Variants in ACOXL observed in about 807,000 individuals in gnomAD.
ACOXL encodes acyl-coenzyme A oxidase-like protein.
Under a neutral mutation model 71.9 loss-of-function variants are expected in ACOXL, and 70 were observed. The ratio of observed to expected loss-of-function variants is 0.97; its 90% CI spans 0.80 to 1.19. The LOEUF is 1.19. Ranked by LOEUF, ACOXL falls within the 50% of genes most tolerant of loss-of-function variation. ACOXL has a pLI of 0.00. For synonymous variants in ACOXL, 253 were observed against 281.6 expected, an observed-to-expected ratio of 0.90 and a Z score of 1.02; for missense variants, 703 against 736.3, an observed-to-expected ratio of 0.95 and a Z score of 0.52.
chr2:111,044,445 A>G (rs149012229), intron 15 of ACOXL, among the ~76,000 whole-genome samples: 4 of 152,312 alleles, frequency 2.6e-5, no homozygotes, highest in South Asian at 2.1e-4. Context: ...GGGCCCTCTA[A>G]AGCTTAGCCG....
intron 9 of ACOXL, among the ~76,000 whole-genome samples, chr2:110,819,335 AG>A (rs1295881331): frequency 1.3e-5 from 2 of 152,228 alleles, no homozygotes; most frequent in African/African-American, 4.8e-5. Context: ...CTCATGGTTC[AG>A]GAGCACCTTG....
intron 10 of ACOXL, among the ~76,000 whole-genome samples, chr2:110,898,243 G>T (rs188841283): frequency 8.6e-5 from 13 of 151,948 alleles, no homozygotes; most frequent in South Asian, 6.2e-4. Context: ...CATTTTTTTT[G>T]AAAGTTAGCC....
At chr2:110,903,897 C>A (rs2059341893) in intron 10 of ACOXL, among the ~76,000 whole-genome samples, 1 of 152,326 alleles carries the variant, frequency 6.6e-6, no homozygotes, top group East Asian at 1.9e-4. Context: ...GCCAGGCCCT[C>A]TGGGGACCCT....
At chr2:110,884,960 GA>G (rs1697103141) in intron 10 of ACOXL, among the ~76,000 whole-genome samples, 1 of 152,094 alleles carries the variant, frequency 6.6e-6, no homozygotes. Flanking sequence ...TCTAGCTGAT[GA>G]AATTTCCAGG....
At chr2:110,842,673 A>G (rs1166145689) in intron 10 of ACOXL, among the ~76,000 whole-genome samples, 1 of 152,176 alleles carries the variant, frequency 6.6e-6, no homozygotes, top group Non-Finnish European at 1.5e-5. Flanking sequence ...CTGTTTGTTC[A>G]GATTCTGTGG....
chr2:110,837,203 G>A (rs1467724955), intron 9 of ACOXL, among the ~76,000 whole-genome samples: 2 of 152,058 alleles, frequency 1.3e-5, no homozygotes, highest in Non-Finnish European at 2.9e-5. Flanking sequence ...GACTGGAGCC[G>A]GTGCTTCCTG....
At chr2:110,907,096 C>T (rs947702792) in intron 10 of ACOXL, among the ~76,000 whole-genome samples, 1 of 152,192 alleles carries the variant, frequency 6.6e-6, no homozygotes, top group Admixed American at 6.5e-5. Flanking sequence ...ATTTATTTCT[C>T]ACAGTTCTGG....
intron 10 of ACOXL, among the ~76,000 whole-genome samples, chr2:110,882,978 C>A (rs1243163581): frequency 6.6e-6 from 1 of 152,196 alleles, no homozygotes; most frequent in Non-Finnish European, 1.5e-5. Flanking sequence ...TCAGCTTTTT[C>A]TGGGTAGACC....
At chr2:111,027,435 C>T (rs1374204851) in intron 14 of ACOXL, among the ~76,000 whole-genome samples, 5 of 151,674 alleles carry the variant, frequency 3.3e-5, no homozygotes, top group African/African-American at 9.7e-5. Context: ...GATTCTTCTG[C>T]CTCAGCCTCC....
Position 110,784,773 on chromosome 2 carries a change from A to G in ACOXL, c.117A>G (p.Ile39Met), listed in dbSNP as rs1297119975. ...TKNFVSRSLV[I>M]GEVLSMADMA... ...ATTTTGTCAGCCGAAGCCTTGTCAT[A>G]GGAGAAGTCCTCTCCATGGCGGACA... is the stretch of plus-strand genomic sequence containing the variant. Residue 39 changes from isoleucine to methionine, a missense_variant, in exon 3 of 18, where the codon ATA becomes ATG. Coordinates refer to ENST00000439055, the MANE Select transcript of ACOXL (RefSeq NM_001142807.4). 6.2e-7 allele frequency: 1 copy of G among 1,610,242 alleles called. No homozygotes were observed. Among genetic ancestry groups the G allele is most frequent in the Non-Finnish European group, 8.5e-7 (1 of 1,178,630 alleles).
chr2:111,094,396 G>C (rs2150027160), intron 17 of ACOXL: 1 of 152,278 alleles, frequency 6.6e-6, no homozygotes, highest in African/African-American at 2.4e-5. Context: ...CCATAGACTG[G>C]GTAATTTATA....
chr2:111,097,012 C>A (rs572683831), intron 17 of ACOXL, among the ~76,000 whole-genome samples: 1 of 152,262 alleles, frequency 6.6e-6, no homozygotes, highest in East Asian at 1.9e-4. Flanking sequence ...TTATTACCTC[C>A]TGTCACCTGC....
rs887557126 is a variant in ACOXL at position 110,833,557 on chromosome 2, C to A, written c.754-7814C>A. On this transcript the variant is annotated intron_variant, in intron 9 of 17. Coordinates refer to ENST00000439055, the MANE Select transcript of ACOXL (RefSeq NM_001142807.4). The stretch of plus-strand genomic sequence containing the variant: ...ATTGTGCTAAGTTTGTGAGCTCTTA[C>A]CATTGTGAGATACTGGATAAAGGGT... Among the ~76,000 whole-genome samples the A allele has an allele frequency of 5.3e-5, 8 of 152,158 alleles. No individual in the cohort carries two copies. The South Asian group carries it at 1.7e-3, about 32-fold the overall frequency.
chr2:111,070,017 G>A (rs373691233), intron 16 of ACOXL, among the ~76,000 whole-genome samples: 1 of 152,044 alleles, frequency 6.6e-6, no homozygotes, highest in South Asian at 2.1e-4. Flanking sequence ...CATGTCCGTC[G>A]GCCTGCCCTC....
chr2:110,779,445 G>T (rs1683062699), intron 2 of ACOXL, among the ~76,000 whole-genome samples: 1 of 152,234 alleles, frequency 6.6e-6, no homozygotes, highest in Non-Finnish European at 1.5e-5. Flanking sequence ...GTTTAAAAAT[G>T]TTGTAGTACC....
chr2:110,853,848 A>G (rs961891335), intron 10 of ACOXL, among the ~76,000 whole-genome samples: 4 of 151,682 alleles, frequency 2.6e-5, no homozygotes, highest in Admixed American at 1.3e-4. Flanking sequence ...ACTATTCCCC[A>G]TCTTCCTCTC....
At chr2:110,961,252 C>T (rs1243650869) in intron 12 of ACOXL, among the ~76,000 whole-genome samples, 1 of 152,206 alleles carries the variant, frequency 6.6e-6, no homozygotes, top group East Asian at 1.9e-4. Context: ...TCCAGTTTCA[C>T]TTGACTTTCA....
At chr2:110,942,964 GA>G (rs201040673) in intron 12 of ACOXL, among the ~76,000 whole-genome samples, 40 of 83,302 alleles carry the variant, frequency 4.8e-4, no homozygotes, top group African/African-American at 1.5e-3. Context: ...AGAAAGAAAA[GA>G]AAAAAAAAGA....
rs1055835186 is a variant in ACOXL, at chr2:110,811,258, G to A, written c.753+5863G>A. Among the ~76,000 whole-genome samples, 6 of 152,330 alleles carry A rather than the reference G, an allele frequency of 3.9e-5. No homozygotes were observed. The East Asian group carries it at 1.2e-3, about 29-fold the overall frequency. On this transcript the variant is annotated intron_variant, in intron 9 of 17. Coordinates refer to ENST00000439055, the MANE Select transcript of ACOXL (RefSeq NM_001142807.4). ...GAGGCATTCACCATTCTCAGAGCCTGTCCTTCCTTCAGCAGCAAAGGGCAG... is the reference window on the plus strand; with the variant it reads ...GAGGCATTCACCATTCTCAGAGCCTATCCTTCCTTCAGCAGCAAAGGGCAG...
Sources: gnomAD v4.1 joint callset for allele counts (sites outside exome capture counted in the v4.1 genomes callset) on GRCh38, gnomAD v4.1.1 for gene constraint, MANE v1.5 for transcripts, NCBI Gene and HGNC (gene_info 2026-07-23, HGNC 2026-07-21) for gene names.